The following MROH7 variants were observed in gnomAD, a reference collection of about 807,000 sequenced individuals.
MROH7 encodes maestro heat like repeat family member 7, also known as maestro heat-like repeat-containing protein family member 7.
A neutral mutation model predicts 129.2 loss-of-function variants in MROH7; 113 were observed. The observed-to-expected ratio is 0.87, with a 90% CI of 0.75 to 1.02. MROH7 has a LOEUF of 1.02. MROH7 is among the 50% of genes least tolerant of loss of function. MROH7 has a pLI of 0.00. For missense variants in MROH7, 1,601 were observed against 1,671.3 expected, an observed-to-expected ratio of 0.96 and a Z score of 0.73; for synonymous variants, 655 against 667.9, an observed-to-expected ratio of 0.98 and a Z score of 0.30.
intron 15 of MROH7, among the ~76,000 whole-genome samples, chr1:54,691,197 CT>C (rs1335055409): frequency 1.3e-5 from 2 of 152,182 alleles, no homozygotes; most frequent in Admixed American, 6.5e-5. Flanking sequence ...CCAGTAGGGA[CT>C]ATCATTGATG....
chr1:54,706,497 C>T lies in MROH7; in HGVS notation c.3627C>T (p.Asn1209=), dbSNP rs372927834. ...GCCAGAGCCTGGAGTATGCCAAGAA[C>T]TCACGGGCCTCCCTCCGGAAGTGCT... The part of the protein sequence containing the change: ...FLSQSLEYAK[N]SRASLRKCSV... Residue 1209 remains asparagine, a synonymous_variant, in exon 22 of 24, where the codon AAC becomes AAT. Transcript: ENST00000421030. 1.2e-6 allele frequency: 2 copies of T among 1,613,546 alleles called. No individual in the cohort carries two copies. Among genetic ancestry groups the T allele is most frequent in the African/African-American group, 2.7e-5 (2 of 74,822 alleles).
In MROH7 at chr1:54,673,717, T is replaced by C; in HGVS notation, c.1712T>C (p.Met571Thr). 1 of 1,613,926 alleles carries C rather than the reference T, an allele frequency of 6.2e-7. No individual in the cohort carries two copies. Among genetic ancestry groups the C allele is most frequent in the Non-Finnish European group, 8.5e-7 (1 of 1,179,812 alleles). The change falls in exon 9 of 24, where the codon ATG becomes ACG. Residue 571 changes from methionine (M) to threonine (T), a missense_variant. Met to Thr is a moderately conservative substitution (Grantham distance 81). Transcript: ENST00000421030. ...KSILEALGPW[M>T]NSGKAHERAR... Reference sequence around the variant, plus strand: ...ATCCCACAGGCCCTGGGGCCTTGGATGAACTCTGGGAAGGCCCATGAGCGA... The same window carrying C: ...ATCCCACAGGCCCTGGGGCCTTGGACGAACTCTGGGAAGGCCCATGAGCGA...
chr1:54,644,781 C>A (rs1362529934), intron 1 of MROH7, among the ~76,000 whole-genome samples: 1 of 151,190 alleles, frequency 6.6e-6, no homozygotes, highest in African/African-American at 2.4e-5. Context: ...AGGCATCAGC[C>A]ACCATGTCCA....
chr1:54,650,861 C>T (rs564096806), intron 1 of MROH7, among the ~76,000 whole-genome samples: 12 of 152,050 alleles, frequency 7.9e-5, no homozygotes, highest in African/African-American at 2.9e-4. Flanking sequence ...GTAGTTGAGA[C>T]GGCAGGCACA....
chr1:54,687,406 G>C (rs1445696655), intron 15 of MROH7, among the ~76,000 whole-genome samples: 1 of 152,194 alleles, frequency 6.6e-6, no homozygotes, highest in East Asian at 1.9e-4. Context: ...CAGCTGCATA[G>C]TATCTCTATG....
chr1:54,676,040 C>G (rs1042452772), intron 10 of MROH7, among the ~76,000 whole-genome samples: 2 of 151,850 alleles, frequency 1.3e-5, no homozygotes, highest in Non-Finnish European at 2.9e-5. Flanking sequence ...TACAGGATAC[C>G]CAGTAAAATT....
At chr1:54,643,327 G>A (rs1644415958) in intron 1 of MROH7, among the ~76,000 whole-genome samples, 1 of 152,202 alleles carries the variant, frequency 6.6e-6, no homozygotes, top group South Asian at 2.1e-4. Context: ...AAGTTTATAG[G>A]AAGAGGAAAG....
intron 1 of MROH7, among the ~76,000 whole-genome samples, chr1:54,643,056 A>G (rs770485584): frequency 1.3e-5 from 2 of 152,172 alleles, no homozygotes; most frequent in African/African-American, 2.4e-5. Context: ...CCTGTGTGCC[A>G]TGTGCTATGT....
At chr1:54,659,744 T>C (rs652245) in intron 3 of MROH7, among the ~76,000 whole-genome samples, 122,656 of 152,234 alleles carry the variant, frequency 0.81, 49,741 homozygotes, top group East Asian at 0.96. Flanking sequence ...TGAGCCACTG[T>C]GCCCGGCTGT....
chr1:54,678,994 C>A lies in MROH7; in HGVS notation c.2049+140C>A, dbSNP rs865934659. On this transcript the variant is annotated intron_variant, in intron 11 of 23. Coordinates refer to ENST00000421030, the MANE Select transcript of MROH7 (RefSeq NM_001039464.4). ...CAGCCACCCACGCCTGTCCTGAGTG[C>A]CCTCCTCCTCCAGTCTGTGCCACAG... 4 of 714,770 alleles carry A rather than the reference C, an allele frequency of 5.6e-6. No individual in the cohort carries two copies. In the Middle Eastern group the frequency reaches 1.1e-3, roughly 201 times the overall value. The allele number at this position is 714,770 out of a possible 1,614,324, so 44.3% of individuals were successfully genotyped here. A position where few individuals can be genotyped will look rare whatever the true frequency, so the allele number is the denominator to read the frequency against.
At chr1:54,678,008 T>A (rs1366861853) in intron 10 of MROH7, among the ~76,000 whole-genome samples, 1 of 152,142 alleles carries the variant, frequency 6.6e-6, no homozygotes, top group East Asian at 1.9e-4. Flanking sequence ...AAAAGAGGTA[T>A]TGCCACACAT....
intron 7 of MROH7, 37 bp downstream of exon 7, chr1:54,670,966 G>A: frequency 1.3e-6 from 2 of 1,557,654 alleles, no homozygotes; most frequent in Non-Finnish European, 1.7e-6. Flanking sequence ...CTCAGGGCTG[G>A]CCCATGTTCT....
At chr1:54,671,596 C>G (rs575023976) in intron 7 of MROH7, among the ~76,000 whole-genome samples, 3 of 152,064 alleles carry the variant, frequency 2.0e-5, no homozygotes, top group Non-Finnish European at 2.9e-5. Context: ...GGGGCTCATG[C>G]GAGCATCTTC....
intron 1 of MROH7, among the ~76,000 whole-genome samples, chr1:54,646,195 G>A (rs1257645182): frequency 2.6e-5 from 4 of 152,320 alleles, no homozygotes; most frequent in East Asian, 1.9e-4. Flanking sequence ...AATGTCTGAT[G>A]CTGGGTGGAG....
chr1:54,678,870 C>A lies in MROH7; in HGVS notation c.2049+16C>A. 6.3e-7 allele frequency: 1 copy of A among 1,593,736 alleles called. No homozygotes were observed. The highest frequency in any genetic ancestry group is 8.6e-7 in the Non-Finnish European group (1 of 1,161,642). ...GGTGATCGAGGTGACTGCCTGGTGCCCATCCAGGAGCGGAGGGTGGGGGGT... is the reference window on the plus strand; with the variant it reads ...GGTGATCGAGGTGACTGCCTGGTGCACATCCAGGAGCGGAGGGTGGGGGGT... On this transcript the variant is annotated intron_variant, in intron 11 of 23. Coordinates refer to ENST00000421030, the MANE Select transcript of MROH7 (RefSeq NM_001039464.4).
intron 15 of MROH7, among the ~76,000 whole-genome samples, chr1:54,686,955 T>C (rs2101152832): frequency 6.6e-6 from 1 of 152,326 alleles, no homozygotes; most frequent in African/African-American, 2.4e-5. Flanking sequence ...TCTGTATTTT[T>C]ACACCAATGA....
chr1:54,677,033 G>A (rs1644992877), intron 10 of MROH7, among the ~76,000 whole-genome samples: 1 of 152,048 alleles, frequency 6.6e-6, no homozygotes, highest in African/African-American at 2.4e-5. Flanking sequence ...TACAGACAGA[G>A]TTTCTCCATG....
chr1:54,688,799 G>C (rs183344133), intron 15 of MROH7, among the ~76,000 whole-genome samples: 191 of 152,156 alleles, frequency 1.3e-3, no homozygotes, highest in African/African-American at 4.4e-3. Flanking sequence ...AAACACAAGG[G>C]GAAAAAAAGG....
At chr1:54,655,929 C>T (rs1338226269) in intron 3 of MROH7, among the ~76,000 whole-genome samples, 11 of 144,920 alleles carry the variant, frequency 7.6e-5, no homozygotes, top group East Asian at 2.1e-4. Flanking sequence ...AGTCTTGCTC[C>T]GTCACCAAGG....
Sources: allele counts gnomAD v4.1 joint callset (sites outside exome capture counted in the v4.1 genomes callset), GRCh38; gene constraint gnomAD v4.1.1; transcripts MANE v1.5; gene names NCBI Gene and HGNC (gene_info 2026-07-23, HGNC 2026-07-21).